Variants in CCDC122 observed in about 807,000 individuals in gnomAD.
CCDC122 encodes the protein coiled-coil domain containing 122.
A neutral mutation model predicts 37.0 loss-of-function variants in CCDC122; 38 were observed. The ratio of observed to expected loss-of-function variants is 1.03; its 90% CI spans 0.79 to 1.35. The LOEUF (loss-of-function observed/expected upper bound fraction) is 1.35, where lower values mean the gene tolerates loss of function less well. CCDC122 is among the 40% of genes most tolerant of loss of function. CCDC122 has a pLI of 0.00. For synonymous variants in CCDC122, 83 were observed against 95.6 expected (o/e 0.87, Z 0.77); for missense variants, 305 against 310.0 (o/e 0.98, Z 0.12).
chr13:43,822,419 GC>G (rs1402208834), downstream of CCDC122, among the ~76,000 whole-genome samples: 2 of 152,162 alleles, frequency 1.3e-5, no homozygotes, highest in African/African-American at 4.8e-5. Flanking sequence ...TTCACCCAAG[GC>G]CCCCTGTAAT....
chr13:43,838,296 T>C (rs1953228889), intron 6 of CCDC122, among the ~76,000 whole-genome samples: 1 of 152,174 alleles, frequency 6.6e-6, no homozygotes, highest in Admixed American at 6.5e-5. Flanking sequence ...ATTTCCTGTA[T>C]ACAGTGATTC....
intron 2 of CCDC122, among the ~76,000 whole-genome samples, chr13:43,871,064 G>A (rs142152416): frequency 3.9e-5 from 6 of 152,154 alleles, no homozygotes; most frequent in East Asian, 1.9e-4. Flanking sequence ...TTCAAGTCCC[G>A]CGTATACTGT....
intron 3 of CCDC122, among the ~76,000 whole-genome samples, chr13:43,829,223 G>A (rs1342832035): frequency 2.0e-5 from 3 of 152,100 alleles, no homozygotes; most frequent in South Asian, 2.1e-4. Flanking sequence ...ATTGCTCTTC[G>A]TCTGCATCAC....
chr13:43,841,569 G>C (rs961376109), intron 6 of CCDC122, among the ~76,000 whole-genome samples: 5 of 152,004 alleles, frequency 3.3e-5, no homozygotes, highest in African/African-American at 9.7e-5. Flanking sequence ...CAAATCTTTA[G>C]CCCATTTTTA....
chr13:43,827,179 A>C (rs1953048514), intron 3 of CCDC122, among the ~76,000 whole-genome samples: 1 of 152,218 alleles, frequency 6.6e-6, no homozygotes, highest in African/African-American at 2.4e-5. Context: ...TTTGTTAAGC[A>C]CATTTACTTT....
intron 2 of CCDC122, among the ~76,000 whole-genome samples, chr13:43,874,068 T>C (rs1480529886): frequency 6.6e-6 from 1 of 152,224 alleles, no homozygotes; most frequent in Non-Finnish European, 1.5e-5. Flanking sequence ...TCTCGATCTT[T>C]CTGGGAAGAT....
At chr13:43,853,299 C>G (rs905760821) in intron 6 of CCDC122, among the ~76,000 whole-genome samples, 3 of 152,010 alleles carry the variant, frequency 2.0e-5, no homozygotes, top group African/African-American at 7.3e-5. Context: ...GAAAATCCAC[C>G]AAGCAAATGG....
intron 6 of CCDC122, among the ~76,000 whole-genome samples, chr13:43,857,650 C>A (rs1212955613): frequency 1.3e-5 from 2 of 152,074 alleles, no homozygotes; most frequent in Non-Finnish European, 2.9e-5. Context: ...CGCCTGTAAT[C>A]CCAGCACTTT....
At chr13:43,868,065 A>G (rs1020287716) in intron 4 of CCDC122, among the ~76,000 whole-genome samples, 3 of 134,466 alleles carry the variant, frequency 2.2e-5, no homozygotes, top group African/African-American at 8.0e-5. Flanking sequence ...AATTCACGGA[A>G]CAAAAAGTAG....
chr13:43,852,611 C>G (rs1024103219), intron 6 of CCDC122, among the ~76,000 whole-genome samples: 7 of 152,000 alleles, frequency 4.6e-5, no homozygotes, highest in African/African-American at 1.7e-4. Flanking sequence ...GAGAGGCCAA[C>G]ATTCAAATTC....
intron 6 of CCDC122, among the ~76,000 whole-genome samples, chr13:43,851,201 T>C (rs1402195620): frequency 6.6e-6 from 1 of 151,958 alleles, no homozygotes; most frequent in Non-Finnish European, 1.5e-5. Flanking sequence ...ATTTTAGAAG[T>C]TGTATATAAA....
chr13:43,841,854 G>T (rs781729747), intron 6 of CCDC122, among the ~76,000 whole-genome samples: 1 of 152,224 alleles, frequency 6.6e-6, no homozygotes, highest in African/African-American at 2.4e-5. Flanking sequence ...GGGACCACAG[G>T]TGTGCGCCAT....
At chr13:43,857,477 TGTGTGCAC>T (rs1392498893) in intron 6 of CCDC122, among the ~76,000 whole-genome samples, 1 of 135,806 alleles carries the variant, frequency 7.4e-6, no homozygotes, top group Non-Finnish European at 1.7e-5. Flanking sequence ...TGTGTGTGTG[TGTGTGCAC>T]GTGTGTATTA....
intron 6 of CCDC122, among the ~76,000 whole-genome samples, chr13:43,843,755 A>C (rs536662741): frequency 6.6e-6 from 1 of 152,038 alleles, no homozygotes; most frequent in East Asian, 1.9e-4. Context: ...ACCTCACACC[A>C]TTCATAAAGC....
chr13:43,826,094 T>C (rs548157205), intron 3 of CCDC122, among the ~76,000 whole-genome samples: 7 of 152,352 alleles, frequency 4.6e-5, no homozygotes, highest in African/African-American at 1.7e-4. Context: ...TGCTTTGTAA[T>C]CTACTTTTTG....
intron 1 of CCDC122, among the ~76,000 whole-genome samples, chr13:43,878,428 T>C (rs1954729091): frequency 6.6e-6 from 1 of 152,206 alleles, no homozygotes; most frequent in Admixed American, 6.5e-5. Flanking sequence ...AGGGTGGGTT[T>C]CCATTCTGGG....
At position 43,846,141 on chromosome 13, in the gene CCDC122, C is replaced by T. The variant is rs781393062; in HGVS notation, c.673-8712G>A. On this transcript the variant is annotated intron_variant, in intron 6 of 6. Transcript: ENST00000444614. ...CCAGGCTGGAGTGCAACGGCACGAT[C>T]TCAGCTCACTGCAACCTCCGCCTCC... Among the ~76,000 whole-genome samples the T allele has an allele frequency of 2.0e-5, 3 of 152,046 alleles. No individual in the cohort carries two copies. The South Asian group carries it at 6.2e-4, about 32-fold the overall frequency.
At chr13:43,835,010 C>T (rs549577198), downstream of CCDC122, among the ~76,000 whole-genome samples, 488 of 152,044 alleles carry the variant, frequency 3.2e-3, 2 homozygotes, top group African/African-American at 9.2e-3. Flanking sequence ...CACATGCACA[C>T]GTATGTTTAT....
chr13:43,851,952 GA>G (rs143765082), intron 6 of CCDC122, among the ~76,000 whole-genome samples: 32,882 of 147,200 alleles, frequency 0.22, 3,588 homozygotes, highest in African/African-American at 0.25. Flanking sequence ...TAGGATAAAA[GA>G]AAAAAAAAAC....
Sources: allele counts gnomAD v4.1 joint callset (sites outside exome capture counted in the v4.1 genomes callset), GRCh38; gene constraint gnomAD v4.1.1; transcripts MANE v1.5; gene names NCBI Gene and HGNC (gene_info 2026-07-23, HGNC 2026-07-21).